The following TCF12 variants were observed in gnomAD, a reference collection of about 807,000 sequenced individuals.
TCF12 encodes transcription factor 12, also known as DNA-binding protein HTF4.
A neutral mutation model predicts 86.0 loss-of-function variants in TCF12; 45 were observed. The ratio of observed to expected loss-of-function variants is 0.52; its 90% confidence interval spans 0.41 to 0.67. The LOEUF is 0.67. Ranked by LOEUF, TCF12 falls within the 30% of genes least tolerant of loss-of-function variation. The probability of loss-of-function intolerance (pLI) is 0.00; values close to 1 mark genes in which losing one functional copy is unlikely to be tolerated. For missense variants in TCF12, 881 were observed against 859.9 expected (o/e 1.02, Z -0.31); for synonymous variants, 330 against 299.6 (o/e 1.10, Z -1.05).
At position 57,065,362 on chromosome 15, in the gene TCF12, A is replaced by G. The variant is rs139265934; in HGVS notation, c.222+1539A>G. ...TTGTTTTTGTCTTGAGGCTACTTAAACTGGTTGATACCCAAATTTCCTTCC... is the reference window on the plus strand; with the variant it reads ...TTGTTTTTGTCTTGAGGCTACTTAAGCTGGTTGATACCCAAATTTCCTTCC... On this transcript the variant is annotated intron_variant, in intron 4 of 20. Coordinates refer to ENST00000333725, the MANE Select transcript of TCF12 (RefSeq NM_207037.2). 2.6e-5 allele frequency among the ~76,000 whole-genome samples: 4 copies of G among 152,242 alleles called. No homozygotes were observed. In the East Asian group the frequency reaches 5.8e-4, roughly 22 times the overall value.
intron 3 of TCF12, among the ~76,000 whole-genome samples, chr15:57,023,340 A>G (rs940887394): frequency 3.9e-5 from 6 of 152,214 alleles, no homozygotes; most frequent in South Asian, 2.1e-4. Context: ...AAAGAAAGGA[A>G]GTGGTATTTT....
intron 3 of TCF12, among the ~76,000 whole-genome samples, chr15:56,953,450 G>A (rs914584554): frequency 8.6e-5 from 13 of 151,894 alleles, no homozygotes; most frequent in South Asian, 6.2e-4. Flanking sequence ...CTTATAGTTG[G>A]TATGTTTCTT....
chr15:57,164,072 A>G (rs771826890), intron 5 of TCF12, among the ~76,000 whole-genome samples: 8 of 152,180 alleles, frequency 5.3e-5, no homozygotes, highest in Non-Finnish European at 8.8e-5. Flanking sequence ...GCTTCAATCC[A>G]GCATGTCAAA....
intron 3 of TCF12, among the ~76,000 whole-genome samples, chr15:56,959,847 A>G (rs527255331): frequency 2.6e-4 from 39 of 152,280 alleles, no homozygotes; most frequent in Non-Finnish European, 5.0e-4. Context: ...AACACTCCTT[A>G]TATATTGAAT....
chr15:57,230,129 C>T (rs2059066794), intron 8 of TCF12, among the ~76,000 whole-genome samples: 1 of 151,856 alleles, frequency 6.6e-6, no homozygotes, highest in Non-Finnish European at 1.5e-5. Context: ...ATTTTCTATG[C>T]TTATGCAAAC....
intron 3 of TCF12, among the ~76,000 whole-genome samples, chr15:57,040,478 C>A (rs2066824580): frequency 6.6e-6 from 1 of 152,166 alleles, no homozygotes; most frequent in Admixed American, 6.5e-5. Context: ...TAAGAATTGG[C>A]TGAATAGTAG....
chr15:56,989,727 T>C (rs1282978132), intron 3 of TCF12, among the ~76,000 whole-genome samples: 4 of 152,192 alleles, frequency 2.6e-5, no homozygotes, highest in Non-Finnish European at 4.4e-5. Context: ...GTACTTTTTG[T>C]CTCCCTAGTA....
intron 3 of TCF12, among the ~76,000 whole-genome samples, chr15:57,029,969 T>C (rs1231258609): frequency 6.6e-6 from 1 of 152,194 alleles, no homozygotes; most frequent in Non-Finnish European, 1.5e-5. Context: ...TAGTTTGTTT[T>C]TTCATGTTAA....
intron 3 of TCF12, among the ~76,000 whole-genome samples, chr15:56,996,002 T>G (rs1344364118): frequency 6.6e-6 from 1 of 152,196 alleles, no homozygotes; most frequent in African/African-American, 2.4e-5. Context: ...GAAGAAATAT[T>G]GGATTTTATT....
chr15:57,079,896 TA>T (rs1332929388), intron 4 of TCF12, among the ~76,000 whole-genome samples: 1 of 152,204 alleles, frequency 6.6e-6, no homozygotes, highest in Non-Finnish European at 1.5e-5. Context: ...TATAAAGTAT[TA>T]ACATATTAAT....
At chr15:57,262,617 T>C (rs1416922116) in intron 17 of TCF12, among the ~76,000 whole-genome samples, 3 of 152,164 alleles carry the variant, frequency 2.0e-5, no homozygotes, top group African/African-American at 7.2e-5. Context: ...AGACATGCAA[T>C]TTTGATAAAA....
At chr15:57,197,733 G>T in intron 7 of TCF12, 40 bp from the exon 8 acceptor site, 2 of 1,599,462 alleles carry the variant, frequency 1.3e-6, no homozygotes, top group Non-Finnish European at 1.7e-6. Flanking sequence ...TTTTTTTCTG[G>T]TATATTATGC....
intron 5 of TCF12, among the ~76,000 whole-genome samples, chr15:57,162,617 T>C (rs2151518148): frequency 6.6e-6 from 1 of 152,336 alleles, no homozygotes; most frequent in East Asian, 1.9e-4. Flanking sequence ...TATGTTAAAT[T>C]AGTTTTCATT....
At chr15:56,931,780 A>G (rs1376166301) in intron 3 of TCF12, among the ~76,000 whole-genome samples, 3 of 152,220 alleles carry the variant, frequency 2.0e-5, no homozygotes, top group Non-Finnish European at 4.4e-5. Flanking sequence ...ATATAAACTA[A>G]GAAAGTAGTA....
intron 3 of TCF12, among the ~76,000 whole-genome samples, chr15:57,060,495 A>C (rs1426544705): frequency 6.6e-6 from 1 of 152,242 alleles, no homozygotes; most frequent in Non-Finnish European, 1.5e-5. Context: ...AGAAATGGAA[A>C]AAATTTATTA....
chr15:56,959,603 TAAAC>T (rs1339246109), intron 3 of TCF12, among the ~76,000 whole-genome samples: 1 of 152,226 alleles, frequency 6.6e-6, no homozygotes, highest in Non-Finnish European at 1.5e-5. Context: ...ACATACATAT[TAAAC>T]CTTTTTTTCT....
intron 3 of TCF12, among the ~76,000 whole-genome samples, chr15:56,944,244 G>A (rs983686247): frequency 1.3e-5 from 2 of 152,076 alleles, no homozygotes; most frequent in Non-Finnish European, 2.9e-5. Context: ...ACTTTATCTT[G>A]TCTCTTGCAG....
chr15:57,097,920 C>T (rs1349117154), intron 5 of TCF12, among the ~76,000 whole-genome samples: 2 of 147,730 alleles, frequency 1.4e-5, no homozygotes, highest in African/African-American at 5.0e-5. Context: ...CTTTGAGAGG[C>T]TGAGGCAGGT....
At chr15:56,924,165 C>G (rs569950040) in intron 3 of TCF12, among the ~76,000 whole-genome samples, 16 of 152,154 alleles carry the variant, frequency 1.1e-4, no homozygotes, top group African/African-American at 3.6e-4. Context: ...TTGTAAGAAA[C>G]TATACAGAGA....
Sources: gnomAD v4.1 joint callset for allele counts (sites outside exome capture counted in the v4.1 genomes callset) on GRCh38, gnomAD v4.1.1 for gene constraint, MANE v1.5 for transcripts, NCBI Gene and HGNC (gene_info 2026-07-23, HGNC 2026-07-21) for gene names.